The following CORIN variants were observed in gnomAD, a reference collection of about 807,000 sequenced individuals.
CORIN encodes the protein corin, serine peptidase, also known as atrial natriuretic peptide-converting enzyme.
A neutral mutation model predicts 125.3 loss-of-function variants in CORIN; 117 were observed. That is an observed-to-expected ratio of 0.93 (90% CI 0.80 to 1.09). The LOEUF (loss-of-function observed/expected upper bound fraction) is 1.09. CORIN is among the 50% of genes least tolerant of loss of function. The pLI is 0.00. For missense variants in CORIN, 1,253 were observed against 1,306.7 expected (o/e 0.96, Z 0.63); for synonymous variants, 450 against 466.4 (o/e 0.96, Z 0.45).
In CORIN at chr4:47,645,074, C is replaced by G. The variant is rs776556711; in HGVS notation, c.1957+7G>C. 1.8e-5 allele frequency: 27 copies of G among 1,537,858 alleles called. No homozygotes were observed. Among genetic ancestry groups the G allele is most frequent in the Non-Finnish European group, 2.1e-5 (23 of 1,117,894 alleles). On this transcript the variant is annotated splice_region_variant and intron_variant, in intron 14 of 21. Coordinates refer to ENST00000273857, the MANE Select transcript of CORIN (RefSeq NM_006587.4). ...TGCTCTGTTGACAAATTCGCATAAG[C>G]ACTTACAGCAGTTTTTCTCGTCCAT... is the stretch of plus-strand genomic sequence containing the variant.
At chr4:47,834,999 A>G (rs1733312332) in intron 1 of CORIN, among the ~76,000 whole-genome samples, 1 of 152,176 alleles carries the variant, frequency 6.6e-6, no homozygotes, top group Admixed American at 6.5e-5. Flanking sequence ...GTCTGACACC[A>G]AAGCTCCTAC....
At chr4:47,762,131 T>C (rs1729492257) in intron 4 of CORIN, among the ~76,000 whole-genome samples, 1 of 152,190 alleles carries the variant, frequency 6.6e-6, no homozygotes, top group South Asian at 2.1e-4. Flanking sequence ...TGTATATGTG[T>C]ATGTGTAGTA....
intron 2 of CORIN, among the ~76,000 whole-genome samples, chr4:47,803,882 C>T (rs1731653855): frequency 6.6e-6 from 1 of 152,128 alleles, no homozygotes; most frequent in South Asian, 2.1e-4. Context: ...AAAGCTCCTG[C>T]ACAGCAAAGG....
intron 1 of CORIN, among the ~76,000 whole-genome samples, chr4:47,816,427 C>T (rs991383457): frequency 1.3e-5 from 2 of 152,012 alleles, no homozygotes; most frequent in African/African-American, 4.8e-5. Context: ...TGGTTTATTC[C>T]ACAAATGCTT....
At chr4:47,709,454 G>A (rs1033689193) in intron 5 of CORIN, among the ~76,000 whole-genome samples, 2 of 151,848 alleles carry the variant, frequency 1.3e-5, no homozygotes, top group African/African-American at 4.8e-5. Flanking sequence ...CACCACACCT[G>A]GCTAATTTTT....
At chr4:47,755,428 C>G (rs188671862) in intron 4 of CORIN, among the ~76,000 whole-genome samples, 1 of 152,286 alleles carries the variant, frequency 6.6e-6, no homozygotes, top group Admixed American at 6.5e-5. Flanking sequence ...AATCGCTATT[C>G]TCATCAGTAT....
intron 1 of CORIN, among the ~76,000 whole-genome samples, chr4:47,808,611 T>C (rs1731912176): frequency 6.6e-6 from 1 of 152,240 alleles, no homozygotes; most frequent in Non-Finnish European, 1.5e-5. Flanking sequence ...CTTCATTTCC[T>C]AGGTTAATGT....
chr4:47,626,281 A>G (rs1722559280), intron 17 of CORIN, 124 bp downstream of exon 17: 4 of 663,414 alleles, frequency 6.0e-6, no homozygotes, highest in Admixed American at 2.2e-5. Flanking sequence ...TAGTAAATCT[A>G]TGGAAACTCT....
chr4:47,763,320 C>T, intron 4 of CORIN, 59 bp downstream of exon 4: 5 of 1,388,000 alleles, frequency 3.6e-6, no homozygotes, highest in East Asian at 2.4e-5. Context: ...TTTTTTTTCT[C>T]CTAGGACACT....
At chr4:47,747,671 T>TA (rs1314111195) in intron 4 of CORIN, among the ~76,000 whole-genome samples, 2 of 152,334 alleles carry the variant, frequency 1.3e-5, no homozygotes, top group Non-Finnish European at 2.9e-5. Flanking sequence ...CATTGACTCT[T>TA]ACGGTGGTCA....
intron 2 of CORIN, among the ~76,000 whole-genome samples, chr4:47,805,148 A>AATAATAAT (rs1553919340): frequency 1.5e-5 from 2 of 129,166 alleles, no homozygotes; most frequent in African/African-American, 5.9e-5. Flanking sequence ...AAAAAAAAAA[A>AATAATAAT]AATAATAATA....
chr4:47,734,609 G>T (rs531217663), intron 5 of CORIN, among the ~76,000 whole-genome samples: 1 of 152,192 alleles, frequency 6.6e-6, no homozygotes, highest in East Asian at 1.9e-4. Context: ...CACAGATTAG[G>T]TTTAACACTC....
At chr4:47,662,551 A>C (rs527448967) in intron 11 of CORIN, among the ~76,000 whole-genome samples, 1 of 152,240 alleles carries the variant, frequency 6.6e-6, no homozygotes, top group East Asian at 1.9e-4. Flanking sequence ...AGATTTCTTT[A>C]CTTCTTTTTT....
At chr4:47,816,985 T>C (rs1732300262) in intron 1 of CORIN, among the ~76,000 whole-genome samples, 1 of 152,126 alleles carries the variant, frequency 6.6e-6, no homozygotes, top group African/African-American at 2.4e-5. Context: ...AGCAATACGG[T>C]GTGGTCAGCT....
At chr4:47,693,229 T>A (rs1382828231) in intron 5 of CORIN, 146 bp from the exon 6 acceptor site, 2 of 623,942 alleles carry the variant, frequency 3.2e-6, no homozygotes, top group African/African-American at 1.8e-5. Flanking sequence ...CATCAATTTT[T>A]CTTTGGCATC....
At chr4:47,632,937 C>T (rs28515024) in intron 16 of CORIN, among the ~76,000 whole-genome samples, 20,816 of 151,938 alleles carry the variant, frequency 0.14, 1,890 homozygotes, top group East Asian at 0.47. Flanking sequence ...CATGCGACCA[C>T]GCCCGGCTAA....
At chr4:47,748,128 G>C (rs1397461092) in intron 4 of CORIN, among the ~76,000 whole-genome samples, 1 of 152,168 alleles carries the variant, frequency 6.6e-6, no homozygotes, top group African/African-American at 2.4e-5. Context: ...ATGTGAAATA[G>C]TGATGGGGTA....
rs746788917 is a variant in CORIN, at chr4:47,674,420, C to G, written c.1330G>C (p.Asp444His). Residue 444 changes from aspartate to histidine, a missense_variant, in exon 10 of 22, where the codon GAC becomes CAC. By Grantham distance (81) the Asp-to-His change is moderately conservative. Transcript: ENST00000273857. Reference sequence around the variant, plus strand: ...CAGTTATTCAGACTGTTGTTCGGGTCACAGAGAGAGCTACCACCACATGAA... The same window carrying G: ...CAGTTATTCAGACTGTTGTTCGGGTGACAGAGAGAGCTACCACCACATGAA... ...LDSCGGSSLC[D>H]PNNSLNNCSQ... 2 of 1,613,632 alleles carry G rather than the reference C, an allele frequency of 1.2e-6. No individual in the cohort carries two copies. The highest frequency in any genetic ancestry group is 2.2e-5 in the South Asian group (2 of 91,056).
At chr4:47,782,506 G>A (rs1730601739) in intron 3 of CORIN, among the ~76,000 whole-genome samples, 1 of 151,978 alleles carries the variant, frequency 6.6e-6, no homozygotes, top group African/African-American at 2.4e-5. Context: ...CTGAAGACAA[G>A]TAAGGAAACA....
Sources: allele counts gnomAD v4.1 joint callset (sites outside exome capture counted in the v4.1 genomes callset), GRCh38; gene constraint gnomAD v4.1.1; transcripts MANE v1.5; gene names NCBI Gene and HGNC (gene_info 2026-07-23, HGNC 2026-07-21).